The following A1CF variants were observed in gnomAD, a reference collection of about 807,000 sequenced individuals.
A1CF encodes APOBEC1 complementation factor.
A1CF carries 48 observed loss-of-function variants against 68.9 expected under a neutral mutation model. The ratio of observed to expected loss-of-function variants is 0.70; its 90% CI spans 0.55 to 0.89. The LOEUF (loss-of-function observed/expected upper bound fraction) is 0.89, where lower values mean the gene tolerates loss of function less well. Ranked by LOEUF, A1CF falls within the 40% of genes least tolerant of loss-of-function variation. A1CF has a pLI of 0.00. For synonymous variants in A1CF, 272 were observed against 260.4 expected (o/e 1.04, Z -0.43); for missense variants, 653 against 718.9 (o/e 0.91, Z 1.05).
rs992404765 is a variant in A1CF at position 50,802,216 on chromosome 10, C to T, written c.*4513G>A. 1 of 152,118 alleles carries T rather than the reference C, an allele frequency of 6.6e-6. No individual in the cohort carries two copies. Among genetic ancestry groups the T allele is most frequent in the Non-Finnish European group, 1.5e-5 (1 of 68,010 alleles). 9.4% of individuals were successfully genotyped at this position (152,118 alleles called of 1,614,324 possible). A position where few individuals can be genotyped will look rare whatever the true frequency, so the allele number is the denominator to read the frequency against. On this transcript the variant is annotated 3_prime_UTR_variant, in exon 13 of 13. Coordinates refer to ENST00000373997, the MANE Select transcript of A1CF (RefSeq NM_014576.4). ...ACACAAACATAGAGCCTGGTAGATACATTACACTTTCTATGAATATGTTCT... is the reference window on the plus strand; with the variant it reads ...ACACAAACATAGAGCCTGGTAGATATATTACACTTTCTATGAATATGTTCT...
chr10:50,837,161 CTG>C (rs1839540975), intron 5 of A1CF, among the ~76,000 whole-genome samples: 2 of 152,300 alleles, frequency 1.3e-5, no homozygotes, highest in African/African-American at 4.8e-5. Flanking sequence ...CACAAAAAGA[CTG>C]TGAGATCGGC....
intron 3 of A1CF, chr10:50,850,762 C>A: frequency 6.2e-7 from 1 of 1,614,174 alleles, no homozygotes; most frequent in Non-Finnish European, 8.5e-7. Context: ...TGGCTCTGGG[C>A]ATGTGCCCAG....
At chr10:50,847,915 G>T (rs1228468886) in intron 3 of A1CF, among the ~76,000 whole-genome samples, 2 of 151,960 alleles carry the variant, frequency 1.3e-5, no homozygotes, top group Non-Finnish European at 2.9e-5. Context: ...CCCTTGAATT[G>T]GATTCTCCAC....
At chr10:50,875,465 G>A (rs886389840) in intron 1 of A1CF, among the ~76,000 whole-genome samples, 8 of 152,200 alleles carry the variant, frequency 5.3e-5, no homozygotes, top group Non-Finnish European at 8.8e-5. Flanking sequence ...AGAGAGCAAG[G>A]AAATCTCTTA....
intron 1 of A1CF, among the ~76,000 whole-genome samples, chr10:50,872,282 T>C (rs1261341734): frequency 2.6e-5 from 4 of 152,194 alleles, no homozygotes; most frequent in Non-Finnish European, 5.9e-5. Flanking sequence ...ACATATGCTA[T>C]GTTCTGAAAA....
intron 5 of A1CF, among the ~76,000 whole-genome samples, chr10:50,837,656 C>T (rs548467765): frequency 2.6e-4 from 39 of 152,290 alleles, no homozygotes; most frequent in African/African-American, 8.7e-4. Flanking sequence ...CTAGTTCTTG[C>T]GTACTACATG....
intron 5 of A1CF, among the ~76,000 whole-genome samples, chr10:50,839,540 G>T (rs1839675034): frequency 6.6e-6 from 1 of 152,166 alleles, no homozygotes. Context: ...AAGGAACCTG[G>T]GCTGGACCCC....
intron 8 of A1CF, among the ~76,000 whole-genome samples, chr10:50,817,968 AT>A (rs1307355601): frequency 7.2e-5 from 11 of 152,126 alleles, no homozygotes; most frequent in African/African-American, 2.7e-4. Flanking sequence ...TCAATTCATC[AT>A]TTTTCTCTCT....
intron 1 of A1CF, among the ~76,000 whole-genome samples, chr10:50,875,874 C>A (rs1405702816): frequency 1.3e-5 from 2 of 152,180 alleles, no homozygotes; most frequent in Non-Finnish European, 2.9e-5. Flanking sequence ...TTCACTGGAC[C>A]CATCACTAAC....
intron 8 of A1CF, 67 bp downstream of exon 8, chr10:50,820,485 T>C (rs1254513285): frequency 6.4e-6 from 9 of 1,415,140 alleles, no homozygotes; most frequent in African/African-American, 1.4e-5. Flanking sequence ...AGGACTGTGC[T>C]TTTGGATGTA....
At chr10:50,811,357 T>A (rs1208197289) in intron 10 of A1CF, among the ~76,000 whole-genome samples, 181 bp from the exon 11 acceptor site, 6 of 152,228 alleles carry the variant, frequency 3.9e-5, no homozygotes, top group Non-Finnish European at 8.8e-5. Context: ...ATTTAAAATG[T>A]TAGGTCTATT....
At chr10:50,826,890 C>T (rs1031966713) in intron 7 of A1CF, among the ~76,000 whole-genome samples, 1 of 152,128 alleles carries the variant, frequency 6.6e-6, no homozygotes, top group African/African-American at 2.4e-5. Flanking sequence ...GGAAACCCAT[C>T]TCACATGCAG....
chr10:50,806,560 C>T lies in A1CF; in HGVS notation c.*169G>A, dbSNP rs931664644. The stretch of plus-strand genomic sequence containing the variant: ...AACATTTGATTTCATTTCAGAATAA[C>T]GTTCTTACTTCATGATTCTATAATT... On this transcript the variant is annotated 3_prime_UTR_variant, in exon 13 of 13. Coordinates refer to ENST00000373997, the MANE Select transcript of A1CF (RefSeq NM_014576.4). 59 of 500,720 alleles carry T rather than the reference C, an allele frequency of 1.2e-4. No homozygotes were observed. In the Admixed American group the frequency reaches 2.0e-3, roughly 17 times the overall value. 31.0% of individuals were successfully genotyped at this position (500,720 alleles called of 1,614,324 possible).
intron 7 of A1CF, among the ~76,000 whole-genome samples, chr10:50,825,477 C>T (rs1838875593): frequency 6.6e-6 from 1 of 152,134 alleles, no homozygotes; most frequent in Non-Finnish European, 1.5e-5. Flanking sequence ...TTGATAAGTT[C>T]CATAATGAAG....
intron 7 of A1CF, among the ~76,000 whole-genome samples, chr10:50,826,870 G>T (rs999676738): frequency 6.6e-6 from 1 of 152,084 alleles, no homozygotes; most frequent in Non-Finnish European, 1.5e-5. Context: ...TCATCAGTGC[G>T]CTGTATTCAG....
intron 3 of A1CF, among the ~76,000 whole-genome samples, chr10:50,857,937 T>A (rs1268962376): frequency 6.6e-6 from 1 of 152,136 alleles, no homozygotes; most frequent in East Asian, 1.9e-4. Flanking sequence ...GTAAAAAGAA[T>A]CTCACAAGCT....
At chr10:50,874,515 T>A (rs1458233700) in intron 1 of A1CF, among the ~76,000 whole-genome samples, 5 of 152,206 alleles carry the variant, frequency 3.3e-5, no homozygotes, top group African/African-American at 4.8e-5. Flanking sequence ...GAGGAAGCAT[T>A]CACCTATGCA....
intron 1 of A1CF, among the ~76,000 whole-genome samples, chr10:50,873,128 G>A (rs1044394537): frequency 6.6e-6 from 1 of 151,428 alleles, no homozygotes; most frequent in African/African-American, 2.4e-5. Flanking sequence ...GCTAATTTTT[G>A]TATTTTTAGT....
Position 50,850,714 on chromosome 10 carries a change from T to G in A1CF, c.100-6592A>C, listed in dbSNP as rs758082210. 4 of 1,614,010 alleles carry G rather than the reference T, an allele frequency of 2.5e-6. No homozygotes were observed. In the Admixed American group the frequency reaches 6.7e-5, roughly 27 times the overall value. On this transcript the variant is annotated intron_variant, in intron 3 of 12. Transcript: ENST00000373997. ...GATGGACTGCAAAGCATTATTTCCTTTTTTGAGGCCAGGAATTGCTGTGCT... is the reference window on the plus strand; with the variant it reads ...GATGGACTGCAAAGCATTATTTCCTGTTTTGAGGCCAGGAATTGCTGTGCT...
Sources: gnomAD v4.1 joint callset for allele counts (sites outside exome capture counted in the v4.1 genomes callset) on GRCh38, gnomAD v4.1.1 for gene constraint, MANE v1.5 for transcripts, NCBI Gene and HGNC (gene_info 2026-07-23, HGNC 2026-07-21) for gene names.